The following RANBP10 variants were observed in gnomAD, a reference collection of about 807,000 sequenced individuals.
RANBP10 encodes the protein ran-binding protein 10.
A neutral mutation model predicts 72.8 loss-of-function variants in RANBP10; 24 were observed. That is an observed-to-expected ratio of 0.33 (90% CI 0.24 to 0.46). The LOEUF (loss-of-function observed/expected upper bound fraction) is 0.46. Among genes scored for constraint, RANBP10 ranks in the 20% least tolerant of loss-of-function variants. The pLI, the probability that RANBP10 is intolerant of heterozygous loss-of-function variation, is 1.00. For synonymous variants in RANBP10, 310 were observed against 322.3 expected (o/e 0.96, Z 0.41); for missense variants, 679 against 817.5 (o/e 0.83, Z 2.07).
At chr16:67,771,623 T>A (rs190267357) in intron 3 of RANBP10, among the ~76,000 whole-genome samples, 28 of 152,282 alleles carry the variant, frequency 1.8e-4, no homozygotes, top group Non-Finnish European at 3.8e-4. Context: ...ATTACAGGCG[T>A]GAGCCGCTGT....
chr16:67,788,767 G>A (rs987622521), intron 2 of RANBP10, among the ~76,000 whole-genome samples: 7 of 151,754 alleles, frequency 4.6e-5, no homozygotes, highest in Non-Finnish European at 7.4e-5. Flanking sequence ...TTGGGAGGCC[G>A]AGACGGGCAG....
rs1053600173 is a variant in RANBP10, at chr16:67,802,133, G to A, written c.347+3295C>T. On this transcript the variant is annotated intron_variant, in intron 2 of 13. Transcript: ENST00000317506. ...AAAATCTACAAAAAAAGGGAAATGA[G>A]CCAGTTGATGTCTGCCTGCCCTGTG... 2.6e-5 allele frequency among the ~76,000 whole-genome samples: 4 copies of A among 151,690 alleles called. No individual in the cohort carries two copies. The East Asian group carries it at 7.7e-4, about 29-fold the overall frequency.
chr16:67,728,813 G>C (rs2053662763), intron 10 of RANBP10, among the ~76,000 whole-genome samples: 1 of 152,198 alleles, frequency 6.6e-6, no homozygotes, highest in African/African-American at 2.4e-5. Context: ...CTAATGACTG[G>C]GCCCCATGGC....
chr16:67,776,483 AAAAG>A (rs1235296590), intron 2 of RANBP10, among the ~76,000 whole-genome samples: 1 of 149,260 alleles, frequency 6.7e-6, no homozygotes, highest in Non-Finnish European at 1.5e-5. Flanking sequence ...AAAAAAAAAA[AAAAG>A]AATTGGCCAG....
chr16:67,771,917 G>T, intron 3 of RANBP10, 117 bp downstream of exon 3: 1 of 1,203,298 alleles, frequency 8.3e-7, no homozygotes. Flanking sequence ...CAGTAGCATG[G>T]CTTGAGGTAG....
chr16:67,805,912 C>T (rs911885193), intron 1 of RANBP10, among the ~76,000 whole-genome samples: 2 of 152,234 alleles, frequency 1.3e-5, no homozygotes, highest in Non-Finnish European at 2.9e-5. Context: ...ACCCCAGGCT[C>T]AGTCTAGGAT....
chr16:67,766,124 C>T (rs1376185498), intron 3 of RANBP10, among the ~76,000 whole-genome samples: 1 of 152,196 alleles, frequency 6.6e-6, no homozygotes, highest in Non-Finnish European at 1.5e-5. Flanking sequence ...TGACCTGCAT[C>T]TCAACGAAGA....
At chr16:67,794,150 T>C (rs998238688) in intron 2 of RANBP10, among the ~76,000 whole-genome samples, 5 of 152,170 alleles carry the variant, frequency 3.3e-5, no homozygotes, top group Non-Finnish European at 7.4e-5. Context: ...TCCAAAGTGC[T>C]GGGACTGGTC....
chr16:67,726,593 G>T, intron 13 of RANBP10, 35 bp from the exon 14 acceptor site: 1 of 1,533,108 alleles, frequency 6.5e-7, no homozygotes. Flanking sequence ...TCACTGGCCT[G>T]CCCAGGGCTT....
intron 3 of RANBP10, among the ~76,000 whole-genome samples, chr16:67,751,347 G>T (rs965531292): frequency 7.2e-5 from 11 of 152,188 alleles, no homozygotes; most frequent in Non-Finnish European, 1.6e-4. Flanking sequence ...AACGAGCACA[G>T]AATTTTTAGA....
At chr16:67,755,495 C>G (rs1359600757) in intron 3 of RANBP10, among the ~76,000 whole-genome samples, 1 of 151,980 alleles carries the variant, frequency 6.6e-6, no homozygotes, top group Non-Finnish European at 1.5e-5. Flanking sequence ...ACCAGCCTGG[C>G]CAAGATGGCG....
chr16:67,785,168 TG>T (rs1161388965), intron 2 of RANBP10, among the ~76,000 whole-genome samples: 1 of 150,870 alleles, frequency 6.6e-6, no homozygotes, highest in African/African-American at 2.4e-5. Context: ...GCCGAGATCG[TG>T]CCACTGCATT....
rs554007785 is a variant in RANBP10, at chr16:67,796,448, A to T, written c.347+8980T>A. On this transcript the variant is annotated intron_variant, in intron 2 of 13. Coordinates refer to ENST00000317506, the MANE Select transcript of RANBP10 (RefSeq NM_020850.3). Reference sequence around the variant, plus strand: ...GAAGAAATAAGCTGAGCCCTCAACCATCTGGGCCTCTATCCACTTATCTTC... The same window carrying T: ...GAAGAAATAAGCTGAGCCCTCAACCTTCTGGGCCTCTATCCACTTATCTTC... Among the ~76,000 whole-genome samples the T allele has an allele frequency of 2.0e-5, 3 of 152,194 alleles. No individual in the cohort carries two copies. In the South Asian group the frequency reaches 6.2e-4, roughly 32 times the overall value.
intron 2 of RANBP10, among the ~76,000 whole-genome samples, chr16:67,792,865 G>A (rs577603071): frequency 5.3e-5 from 8 of 152,024 alleles, no homozygotes; most frequent in East Asian, 3.9e-4. Context: ...TCTGTGTATG[G>A]GTCAGGAGAC....
At chr16:67,763,093 G>A (rs1447133329) in intron 3 of RANBP10, among the ~76,000 whole-genome samples, 2 of 152,180 alleles carry the variant, frequency 1.3e-5, no homozygotes, top group Non-Finnish European at 2.9e-5. Context: ...TGTGGCATGT[G>A]CAGAGGGCAG....
Position 67,770,897 on chromosome 16 carries a change from G to T in RANBP10, c.400+1137C>A, listed in dbSNP as rs1030557935. ...AGCCAACCAGAAGGTTGAGAAGGTG[G>T]TGCCAAGATCGCGCCACTACACTCC... On this transcript the variant is annotated intron_variant, in intron 3 of 13. Coordinates refer to ENST00000317506, the MANE Select transcript of RANBP10 (RefSeq NM_020850.3). 1.8e-4 allele frequency among the ~76,000 whole-genome samples: 28 copies of T among 152,216 alleles called. 1 individual carries two copies. Among genetic ancestry groups the T allele is most frequent in the African/African-American group, 6.5e-4 (27 of 41,460 alleles).
rs1422622728 is a variant in RANBP10 at position 67,791,877 on chromosome 16, G to T, written c.347+13551C>A. On this transcript the variant is annotated intron_variant, in intron 2 of 13. Transcript: ENST00000317506. Reference sequence around the variant, plus strand: ...GGAATTTTATTTCATAGTCTAATCGGCCCACTTAAGGCCATAGTCAATGCC... The same window carrying T: ...GGAATTTTATTTCATAGTCTAATCGTCCCACTTAAGGCCATAGTCAATGCC... 2.0e-5 allele frequency among the ~76,000 whole-genome samples: 3 copies of T among 151,846 alleles called. No individual in the cohort carries two copies. The East Asian group carries it at 5.8e-4, about 29-fold the overall frequency.
chr16:67,768,142 C>T (rs931012768), intron 3 of RANBP10, among the ~76,000 whole-genome samples: 3 of 151,742 alleles, frequency 2.0e-5, no homozygotes, highest in Non-Finnish European at 4.4e-5. Flanking sequence ...GTAATCCCAG[C>T]ACTTTGGGAG....
At chr16:67,795,851 T>C (rs1183919700) in intron 2 of RANBP10, among the ~76,000 whole-genome samples, 1 of 149,146 alleles carries the variant, frequency 6.7e-6, no homozygotes, top group Non-Finnish European at 1.5e-5. Context: ...TGAGACTCCG[T>C]CTCAAAAATA....
Sources: gnomAD v4.1 joint callset for allele counts (sites outside exome capture counted in the v4.1 genomes callset) on GRCh38, gnomAD v4.1.1 for gene constraint, MANE v1.5 for transcripts, NCBI Gene and HGNC (gene_info 2026-07-23, HGNC 2026-07-21) for gene names.